NRCAM: variants seen among roughly 807,000 people sequenced by gnomAD.
NRCAM encodes the protein neuronal cell adhesion molecule.
Under a neutral mutation model 156.5 loss-of-function variants are expected in NRCAM, and 83 were observed. That is an observed-to-expected ratio of 0.53 (90% CI 0.44 to 0.64). The LOEUF is 0.64. Ranked by LOEUF, NRCAM falls within the 30% of genes least tolerant of loss-of-function variation. NRCAM has a pLI of 0.00. For missense variants in NRCAM, 1,417 were observed against 1,597.3 expected, an observed-to-expected ratio of 0.89 and a Z score of 1.92; for synonymous variants, 538 against 563.9, an observed-to-expected ratio of 0.95 and a Z score of 0.65.
intron 2 of NRCAM, among the ~76,000 whole-genome samples, chr7:108,396,827 C>T (rs1401768558): frequency 1.3e-5 from 2 of 152,148 alleles, no homozygotes; most frequent in Non-Finnish European, 2.9e-5. Flanking sequence ...AATTTAAACA[C>T]AGGTGGTTTG....
At chr7:108,309,514 A>G (rs2098769911) in intron 3 of NRCAM, among the ~76,000 whole-genome samples, 1 of 152,102 alleles carries the variant, frequency 6.6e-6, no homozygotes, top group Non-Finnish European at 1.5e-5. Context: ...CTCAGCCTTA[A>G]AATGATCCTG....
intron 1 of NRCAM, among the ~76,000 whole-genome samples, chr7:108,401,280 C>A (rs1263129949): frequency 1.3e-5 from 2 of 151,864 alleles, no homozygotes; most frequent in Admixed American, 1.3e-4. Context: ...GTGGCTCACA[C>A]CTGTAATCCC....
intron 1 of NRCAM, among the ~76,000 whole-genome samples, chr7:108,448,868 T>C (rs773322947): frequency 5.3e-5 from 8 of 152,218 alleles, no homozygotes; most frequent in Non-Finnish European, 8.8e-5. Context: ...CAGATGTATC[T>C]TGTTGCACAT....
At chr7:108,420,386 T>C (rs547171947) in intron 1 of NRCAM, among the ~76,000 whole-genome samples, 46 of 152,286 alleles carry the variant, frequency 3.0e-4, no homozygotes, top group African/African-American at 1.1e-3. Flanking sequence ...AAAAAAAGTC[T>C]GTGTGTTCTG....
chr7:108,372,110 A>G (rs1202194285), intron 2 of NRCAM, among the ~76,000 whole-genome samples: 1 of 152,182 alleles, frequency 6.6e-6, no homozygotes, highest in African/African-American at 2.4e-5. Flanking sequence ...AGAATTCACA[A>G]TGGGGCAAGA....
intron 2 of NRCAM, among the ~76,000 whole-genome samples, chr7:108,355,547 A>G (rs2099488178): frequency 6.6e-6 from 1 of 152,200 alleles, no homozygotes; most frequent in Non-Finnish European, 1.5e-5. Flanking sequence ...GTCATCAACT[A>G]TGGTCTGAAA....
intron 2 of NRCAM, among the ~76,000 whole-genome samples, chr7:108,336,949 G>A (rs2099200942): frequency 6.6e-6 from 1 of 152,042 alleles, no homozygotes. Flanking sequence ...AAAAATAAAT[G>A]TATTTTGCAT....
chr7:108,256,778 G>C (rs2096684490), intron 3 of NRCAM, among the ~76,000 whole-genome samples: 1 of 152,130 alleles, frequency 6.6e-6, no homozygotes. Context: ...CACCTTGGGA[G>C]GCCAAGGCGG....
chr7:108,259,553 T>C (rs529140975), intron 3 of NRCAM, among the ~76,000 whole-genome samples: 1 of 152,352 alleles, frequency 6.6e-6, no homozygotes, highest in African/African-American at 2.4e-5. Context: ...TGTATGTTTG[T>C]TGCAGCACTA....
rs187639712 is a variant in NRCAM, at chr7:108,250,531, G to C, written c.-106-10361C>G. 9.3e-5 allele frequency among the ~76,000 whole-genome samples: 14 copies of C among 150,586 alleles called. No individual in the cohort carries two copies. The East Asian group carries it at 1.4e-3, about 15-fold the overall frequency. Reference sequence around the variant, plus strand: ...ACACATCACATGTTCTCACTTATTTGTGGGATCTAAAATTCAAAACAACTG... The same window carrying C: ...ACACATCACATGTTCTCACTTATTTCTGGGATCTAAAATTCAAAACAACTG... On this transcript the variant is annotated intron_variant, in intron 3 of 32. Transcript: ENST00000379028.
chr7:108,329,136 T>C (rs1193279133), intron 2 of NRCAM, among the ~76,000 whole-genome samples: 1 of 152,218 alleles, frequency 6.6e-6, no homozygotes, highest in African/African-American at 2.4e-5. Flanking sequence ...TTCATTCCTC[T>C]CTTGGGCTTC....
chr7:108,306,291 C>A (rs186405905), intron 3 of NRCAM, among the ~76,000 whole-genome samples: 2 of 152,212 alleles, frequency 1.3e-5, no homozygotes, highest in African/African-American at 2.4e-5. Context: ...TGGCTTCATA[C>A]GATAATTTTT....
intron 1 of NRCAM, among the ~76,000 whole-genome samples, chr7:108,447,259 C>CTTTTT (rs34273772): frequency 3.8e-3 from 323 of 84,086 alleles, no homozygotes; most frequent in East Asian, 6.3e-3. Flanking sequence ...TCACTTCTTT[C>CTTTTT]TTTTTTTTTT....
At position 108,159,243 on chromosome 7, in the gene NRCAM, A is replaced by G. The variant is rs1043281177; in HGVS notation, c.3677+220T>C. The G allele has an allele frequency of 1.3e-5, 9 of 700,516 alleles. No individual in the cohort carries two copies. The Admixed American group carries it at 1.4e-4, about 11-fold the overall frequency. The allele number at this position is 700,516 out of a possible 1,614,324, so 43.4% of individuals were successfully genotyped here. A position where few individuals can be genotyped will look rare whatever the true frequency, so the allele number is the denominator to read the frequency against. On this transcript the variant is annotated intron_variant, in intron 32 of 32. Coordinates refer to ENST00000379028, the MANE Select transcript of NRCAM (RefSeq NM_001037132.4). ...AATATGACAAAGTGGGAGACATTCC[A>G]TCTCCAAAATTATGACTAAAATCAA... is the stretch of plus-strand genomic sequence containing the variant.
chr7:108,437,065 C>T (rs1021740516), intron 1 of NRCAM, among the ~76,000 whole-genome samples: 1 of 152,154 alleles, frequency 6.6e-6, no homozygotes, highest in Non-Finnish European at 1.5e-5. Context: ...TACTCATACA[C>T]GATGGAGTAC....
At chr7:108,191,377 G>A in intron 18 of NRCAM, 94 bp from the exon 19 acceptor site, 1 of 985,378 alleles carries the variant, frequency 1.0e-6, no homozygotes, top group East Asian at 2.7e-5. Flanking sequence ...CATTATTCAA[G>A]GTTATAAAAT....
chr7:108,361,905 T>C (rs2099554630), intron 2 of NRCAM, among the ~76,000 whole-genome samples: 1 of 152,134 alleles, frequency 6.6e-6, no homozygotes, highest in Non-Finnish European at 1.5e-5. Flanking sequence ...CTTACTTCTC[T>C]GTAGAGTCCT....
chr7:108,191,499 C>CA (rs1164335170), intron 18 of NRCAM, among the ~76,000 whole-genome samples: 2 of 152,072 alleles, frequency 1.3e-5, no homozygotes, highest in African/African-American at 2.4e-5. Context: ...TATTTTATTA[C>CA]AAAAAAGGTT....
chr7:108,292,678 A>C (rs1283402501), intron 3 of NRCAM, among the ~76,000 whole-genome samples: 1 of 152,174 alleles, frequency 6.6e-6, no homozygotes, highest in East Asian at 1.9e-4. Context: ...AAGTTACTTA[A>C]GGTCTGTATG....
Sources: gnomAD v4.1 joint callset for allele counts (sites outside exome capture counted in the v4.1 genomes callset) on GRCh38, gnomAD v4.1.1 for gene constraint, MANE v1.5 for transcripts, NCBI Gene and HGNC (gene_info 2026-07-23, HGNC 2026-07-21) for gene names.